RGS12: variants seen among roughly 807,000 people sequenced by gnomAD.
RGS12 encodes regulator of G protein signaling 12.
RGS12 carries 66 observed loss-of-function variants against 120.1 expected under a neutral mutation model. The observed-to-expected ratio is 0.55, with a 90% confidence interval of 0.45 to 0.67. The LOEUF (loss-of-function observed/expected upper bound fraction) is 0.67. Ranked by LOEUF, RGS12 falls within the 30% of genes least tolerant of loss-of-function variation. The pLI is 0.00. For synonymous variants in RGS12, 827 were observed against 804.7 expected, an observed-to-expected ratio of 1.03 and a Z score of -0.47; for missense variants, 1,859 against 1,957.7, an observed-to-expected ratio of 0.95 and a Z score of 0.95.
intron 5 of RGS12, 188 bp downstream of exon 5, chr4:3,414,429 C>T: frequency 1.5e-6 from 1 of 674,162 alleles, no homozygotes; most frequent in Non-Finnish European, 2.4e-6. Context: ...AATCCTGCCC[C>T]TGGTTCTGCC....
intron 2 of RGS12, among the ~76,000 whole-genome samples, chr4:3,320,268 CT>C (rs1420333063): frequency 2.0e-5 from 3 of 152,178 alleles, no homozygotes; most frequent in African/African-American, 7.2e-5. Context: ...TGGACTCCTC[CT>C]TGGGGCGGGT....
chr4:3,336,146 T>C (rs1235856848), intron 2 of RGS12, among the ~76,000 whole-genome samples: 1 of 152,164 alleles, frequency 6.6e-6, no homozygotes, highest in Non-Finnish European at 1.5e-5. Flanking sequence ...TGGAGCCCCA[T>C]GTCCTGTCCC....
intron 17 of RGS12, chr4:3,431,453 G>A (rs967038072): frequency 3.0e-6 from 3 of 991,544 alleles, no homozygotes; most frequent in Middle Eastern, 5.2e-4. Context: ...AGTGCAGCTC[G>A]GACCCACCGG....
intron 7 of RGS12, 90 bp downstream of exon 7, chr4:3,416,211 G>T: frequency 6.9e-7 from 1 of 1,457,500 alleles, no homozygotes; most frequent in South Asian, 1.3e-5. Context: ...TATCAGGCAG[G>T]CCAGTGGATC....
At chr4:3,322,025 G>T (rs1725234044) in intron 2 of RGS12, among the ~76,000 whole-genome samples, 1 of 152,220 alleles carries the variant, frequency 6.6e-6, no homozygotes, top group Non-Finnish European at 1.5e-5. Context: ...ATTCTCCATT[G>T]TTGTCCTTTG....
chr4:3,289,451 A>G (rs1722965215), upstream of RGS12, among the ~76,000 whole-genome samples: 1 of 151,978 alleles, frequency 6.6e-6, no homozygotes, highest in Non-Finnish European at 1.5e-5. Flanking sequence ...TGAGCCACCT[A>G]CCTCAGCCTT....
chr4:3,354,550 C>G (rs1287184791), intron 3 of RGS12, among the ~76,000 whole-genome samples: 1 of 152,236 alleles, frequency 6.6e-6, no homozygotes, highest in African/African-American at 2.4e-5. Flanking sequence ...ATATTCAAGC[C>G]TGTCCTGCAG....
At chr4:3,411,595 G>A (rs1721739069) in intron 4 of RGS12, among the ~76,000 whole-genome samples, 1 of 152,246 alleles carries the variant, frequency 6.6e-6, no homozygotes, top group Non-Finnish European at 1.5e-5. Context: ...CATTTAGGGA[G>A]AATTCCTGTC....
chr4:3,394,105 C>G (rs1719807550), intron 4 of RGS12, among the ~76,000 whole-genome samples: 2 of 152,172 alleles, frequency 1.3e-5, no homozygotes, highest in Admixed American at 6.5e-5. Flanking sequence ...CTGCCGGCAT[C>G]TCTCTGAACG....
chr4:3,287,962 G>A, the RGS12 span, among the ~76,000 whole-genome samples: 2,055 of 152,250 alleles, frequency 0.013, 25 homozygotes, highest in Middle Eastern at 0.037. Context: ...TTGGGGGCAC[G>A]CCAGCCCCTT....
chr4:3,365,916 T>A lies in RGS12; in HGVS notation c.1999-20500T>A, dbSNP rs1716255979. On this transcript the variant is annotated intron_variant, in intron 3 of 17. Transcript: ENST00000336727. The surrounding 1 kb of genome is among the most constrained non-coding windows in gnomAD (Gnocchi z 4.0). ...GTGAATGTTTGTTGAACACCTACTA[T>A]GTGCCCGACATTATTTTGGCTCTGG... 6.6e-6 allele frequency among the ~76,000 whole-genome samples: 1 copy of A among 152,218 alleles called. No individual in the cohort carries two copies. Among genetic ancestry groups the A allele is most frequent in the South Asian group, 2.1e-4 (1 of 4,828 alleles).
intron 2 of RGS12, among the ~76,000 whole-genome samples, chr4:3,331,825 G>A (rs1314152380): frequency 6.6e-6 from 1 of 152,218 alleles, no homozygotes; most frequent in East Asian, 1.9e-4. Flanking sequence ...AAGGAACGGC[G>A]GCTCCAGGGA....
chr4:3,415,212 G>A (rs1314934859), intron 6 of RGS12, among the ~76,000 whole-genome samples: 2 of 151,984 alleles, frequency 1.3e-5, no homozygotes, highest in Admixed American at 1.3e-4. Context: ...GTGTGTGTGA[G>A]AGGGCCGCGT....
chr4:3,439,450 G>T lies in RGS12; in HGVS notation c.4115-5G>T. ...AAGTGACAGCTTCTCTTCTCCTTGT[G>T]ACAGGAAGTGGGACCCATGGCAGCC... On this transcript the variant is annotated splice_region_variant and splice_polypyrimidine_tract_variant and intron_variant, in intron 17 of 17. Coordinates refer to ENST00000336727, the MANE Select transcript of RGS12 (RefSeq NM_001394154.1). 1 of 1,612,712 alleles carries T rather than the reference G, an allele frequency of 6.2e-7. No homozygotes were observed. The highest frequency in any genetic ancestry group is 1.1e-5 in the South Asian group (1 of 91,080).
intron 17 of RGS12, among the ~76,000 whole-genome samples, chr4:3,438,468 G>C (rs1042188480): frequency 6.6e-6 from 1 of 152,064 alleles, no homozygotes; most frequent in Non-Finnish European, 1.5e-5. Flanking sequence ...CTCCCAGCAC[G>C]GGGGCTTCAC....
intron 3 of RGS12, 67 bp from the exon 4 acceptor site, chr4:3,386,349 A>G (rs751474127): frequency 6.9e-7 from 1 of 1,458,992 alleles, no homozygotes; most frequent in African/African-American, 1.4e-5. Context: ...CCTCAGATGG[A>G]CTTTTCGTTT....
intron 4 of RGS12, 151 bp from the exon 5 acceptor site, chr4:3,413,921 G>A: frequency 1.4e-6 from 1 of 716,722 alleles, no homozygotes; most frequent in South Asian, 2.0e-5. Context: ...ACTGGCAGGT[G>A]GTAGGTGTGC....
At chr4:3,347,016 A>G (rs1208523805) in intron 3 of RGS12, among the ~76,000 whole-genome samples, 1 of 151,804 alleles carries the variant, frequency 6.6e-6, no homozygotes, top group African/African-American at 2.4e-5. Flanking sequence ...AAATAACCAC[A>G]TTGCCATAAG....
rs1455689776 is a variant in RGS12 at position 3,414,220 on chromosome 4, C to T, written c.2169C>T (p.Pro723=). 28 of 1,544,308 alleles carry T rather than the reference C, an allele frequency of 1.8e-5. No homozygotes were observed. Among genetic ancestry groups the T allele is most frequent in the African/African-American group, 2.7e-5 (2 of 73,258 alleles). ...AVSFERLLQD[P]VGVRYFSDFL... ...CCTTTGAGCGCCTGCTGCAGGACCC[C>T]GTCGGTGTCCGCTACTTCTCTGTGA... The change falls in exon 5 of 18, where the codon CCC becomes CCT. Residue 723 remains proline, a synonymous_variant. Coordinates refer to ENST00000336727, the MANE Select transcript of RGS12 (RefSeq NM_001394154.1).
Sources: allele counts gnomAD v4.1 joint callset (sites outside exome capture counted in the v4.1 genomes callset), GRCh38; gene constraint gnomAD v4.1.1; non-coding constraint Gnocchi (gnomAD v3.1); transcripts MANE v1.5; gene names NCBI Gene and HGNC (gene_info 2026-07-23, HGNC 2026-07-21).